Variants in RRBP1 observed in about 807,000 individuals in gnomAD.
RRBP1 encodes the protein ribosome-binding protein 1.
A neutral mutation model predicts 165.2 loss-of-function variants in RRBP1; 94 were observed. That is an observed-to-expected ratio of 0.57 (90% confidence interval 0.48 to 0.68). The LOEUF (loss-of-function observed/expected upper bound fraction) is 0.68, where lower values mean the gene tolerates loss of function less well. RRBP1 is among the 30% of genes least tolerant of loss of function. The pLI, the probability that RRBP1 is intolerant of heterozygous loss-of-function variation, is 0.00. For synonymous variants in RRBP1, 680 were observed against 714.5 expected (o/e 0.95, Z 0.77); for missense variants, 1,676 against 1,763.0 (o/e 0.95, Z 0.88).
intron 3 of RRBP1, among the ~76,000 whole-genome samples, chr20:17,648,627 C>T (rs1173130300): frequency 1.3e-5 from 2 of 152,206 alleles, no homozygotes; most frequent in East Asian, 1.9e-4. Context: ...TGGAGAAAAA[C>T]GTAATCGGCT....
rs2036406602 is a variant in RRBP1 at position 17,643,524 on chromosome 20, G to A, written c.1913-397C>T. Among the ~76,000 whole-genome samples the A allele has an allele frequency of 6.6e-6, 1 of 151,790 alleles. No individual in the cohort carries two copies. The highest frequency in any genetic ancestry group is 2.1e-4 in the South Asian group (1 of 4,814). ...TTCTCAACCTGCATGGCTCACCATG[G>A]TTCTCCCCACTGGCTGTGACTGAGC... is the stretch of plus-strand genomic sequence containing the variant. On this transcript the variant is annotated intron_variant, in intron 3 of 24. Transcript: ENST00000377813. The surrounding 1 kb of genome is among the most constrained non-coding windows in gnomAD (Gnocchi z 4.3).
At chr20:17,638,930 G>T (rs964243738) in intron 5 of RRBP1, among the ~76,000 whole-genome samples, 1 of 152,088 alleles carries the variant, frequency 6.6e-6, no homozygotes, top group African/African-American at 2.4e-5. Context: ...CTGGTAACAG[G>T]AACTCCTCCC....
intron 8 of RRBP1, among the ~76,000 whole-genome samples, chr20:17,631,182 C>G (rs1274171279): frequency 6.6e-6 from 1 of 152,264 alleles, no homozygotes; most frequent in Admixed American, 6.5e-5. Flanking sequence ...ACCTGCTTCT[C>G]CTCTGCCAGG....
chr20:17,645,406 A>C (rs1336433182), intron 3 of RRBP1, among the ~76,000 whole-genome samples: 1 of 152,268 alleles, frequency 6.6e-6, no homozygotes, highest in Non-Finnish European at 1.5e-5. Flanking sequence ...AACAAACGCA[A>C]AGCTGCGTAC....
chr20:17,643,202 C>T lies in RRBP1; in HGVS notation c.1913-75G>A. The stretch of plus-strand genomic sequence containing the variant: ...ACACGTGGCCACAATGCCCATCACA[C>T]CAAGAAGGTTCTGGTCACAGCCACG... On this transcript the variant is annotated intron_variant, in intron 3 of 24. Coordinates refer to ENST00000377813, the MANE Select transcript of RRBP1 (RefSeq NM_001365613.2). The surrounding 1 kb of genome is among the most constrained non-coding windows in gnomAD (Gnocchi z 4.3). The T allele has an allele frequency of 6.6e-7, 1 of 1,507,790 alleles. No individual in the cohort carries two copies. Among genetic ancestry groups the T allele is most frequent in the Non-Finnish European group, 9.0e-7 (1 of 1,109,150 alleles). 93.4% of individuals were successfully genotyped at this position (1,507,790 alleles called of 1,614,324 possible). A position where few individuals can be genotyped will look rare whatever the true frequency, so the allele number is the denominator to read the frequency against.
Position 17,625,504 on chromosome 20 carries a change from G to A in RRBP1, c.3054+8C>T, listed in dbSNP as rs768435974. ...CCGTCCGTCCCCGCCTGTGCCTGCC[G>A]CACTCACATTGTTCTTCACTTTCTG... On this transcript the variant is annotated splice_region_variant and intron_variant, in intron 12 of 24. Coordinates refer to ENST00000377813, the MANE Select transcript of RRBP1 (RefSeq NM_001365613.2). The A allele has an allele frequency of 1.6e-5, 26 of 1,612,356 alleles. No individual in the cohort carries two copies. The Admixed American group carries it at 2.0e-4, about 12-fold the overall frequency.
intron 3 of RRBP1, among the ~76,000 whole-genome samples, chr20:17,651,368 T>C (rs902553622): frequency 6.6e-6 from 1 of 152,260 alleles, no homozygotes; most frequent in African/African-American, 2.4e-5. Flanking sequence ...ACCTTTTGAC[T>C]TGACAATTAC....
At chr20:17,622,557 G>A (rs548853153) in intron 13 of RRBP1, among the ~76,000 whole-genome samples, 44 of 152,204 alleles carry the variant, frequency 2.9e-4, no homozygotes, top group Admixed American at 2.5e-3. Context: ...AGCCCACTCA[G>A]AGGAGACAGG....
chr20:17,652,972 C>A (rs2036584013), intron 3 of RRBP1, among the ~76,000 whole-genome samples: 2 of 152,338 alleles, frequency 1.3e-5, no homozygotes, highest in Admixed American at 1.3e-4. Flanking sequence ...CTGCCTCATA[C>A]CCTCGGGCAC....
chr20:17,616,148 G>A lies in RRBP1; in HGVS notation c.3868-139C>T, dbSNP rs562695884. 2.4e-5 allele frequency: 17 copies of A among 695,564 alleles called. No individual in the cohort carries two copies. The East Asian group carries it at 4.8e-4, about 19-fold the overall frequency. The allele number at this position is 695,564 out of a possible 1,614,324, so 43.1% of individuals were successfully genotyped here. On this transcript the variant is annotated intron_variant, in intron 21 of 24. Coordinates refer to ENST00000377813, the MANE Select transcript of RRBP1 (RefSeq NM_001365613.2). ...CCAACGCTCCCCTCGTTGGGGAGAG[G>A]GCACCTCAGCCCCTGGTACAGACTT...
chr20:17,681,361 G>A (rs570483193), intron 1 of RRBP1, among the ~76,000 whole-genome samples: 1 of 147,896 alleles, frequency 6.8e-6, no homozygotes, highest in African/African-American at 2.4e-5. Flanking sequence ...CGGCCGCCCG[G>A]CGTCCGTGCC....
At position 17,627,493 on chromosome 20, in the gene RRBP1, A is replaced by G. The variant is rs761682490; in HGVS notation, c.2928+11T>C. ...CCCTTTCCTCCCCGTGGCCCCAGGC[A>G]GAAGGCTGACCTGGACGTCCTGGGC... On this transcript the variant is annotated intron_variant, in intron 10 of 24. Transcript: ENST00000377813. 1.9e-6 allele frequency: 3 copies of G among 1,607,346 alleles called. No homozygotes were observed. The highest frequency in any genetic ancestry group is 2.6e-6 in the Non-Finnish European group (3 of 1,176,004).
In RRBP1 at chr20:17,660,003, T is replaced by C. The variant is rs2036729664; in HGVS notation, c.505A>G (p.Ile169Val). 1.9e-6 allele frequency: 3 copies of C among 1,612,214 alleles called. No homozygotes were observed. The highest frequency in any genetic ancestry group is 1.1e-5 in the South Asian group (1 of 90,540). Residue 169 changes from isoleucine (I) to valine (V), a missense_variant, in exon 3 of 25, where the codon ATC (isoleucine) becomes GTC (valine). Ile to Val is a conservative substitution (Grantham distance 29). Coordinates refer to ENST00000377813, the MANE Select transcript of RRBP1 (RefSeq NM_001365613.2). Reference sequence around the variant, plus strand: ...ACCTCCTTGGGAGCAGTTTCCAAGATGGCAGCCTTCGAAGTGAGAACCTGG... The same window carrying C: ...ACCTCCTTGGGAGCAGTTTCCAAGACGGCAGCCTTCGAAGTGAGAACCTGG... Reference protein sequence around the residue: ...SIQVLTSKAAILETAPKEVPM... With the variant: ...SIQVLTSKAAVLETAPKEVPM...
chr20:17,649,896 C>G (rs1008829977), intron 3 of RRBP1, among the ~76,000 whole-genome samples: 1 of 152,170 alleles, frequency 6.6e-6, no homozygotes, highest in African/African-American at 2.4e-5. Flanking sequence ...CTTTAACTTC[C>G]CACCTTACCT....
intron 17 of RRBP1, 53 bp from the exon 18 acceptor site, chr20:17,620,423 T>G: frequency 3.3e-6 from 5 of 1,496,052 alleles, no homozygotes; most frequent in Non-Finnish European, 4.7e-6. Context: ...GGGTGTCTCC[T>G]TCCGAGGCCA....
At chr20:17,642,895 CCT>C in intron 4 of RRBP1, 82 bp downstream of exon 4, 2 of 1,407,308 alleles carry the variant, frequency 1.4e-6, no homozygotes, top group South Asian at 2.5e-5. Flanking sequence ...CTATGAATGT[CCT>C]CTCTGTGGCA....
intron 3 of RRBP1, among the ~76,000 whole-genome samples, chr20:17,652,643 T>C (rs2036578666): frequency 6.6e-6 from 1 of 151,998 alleles, no homozygotes; most frequent in African/African-American, 2.4e-5. Context: ...TACAGTTGCC[T>C]CAGGTTGGGC....
rs765258869 is a variant in RRBP1, at chr20:17,627,729, A to C, written c.2750-47T>G. On this transcript the variant is annotated intron_variant, in intron 9 of 24. Transcript: ENST00000377813. ...GAGAAGTTAAGAGACTGCAAACCCC[A>C]GGGGGTGTGGAGGATGCCCTCACTG... 22 of 1,527,214 alleles carry C rather than the reference A, an allele frequency of 1.4e-5. No individual in the cohort carries two copies. The Admixed American group carries it at 1.8e-4, about 13-fold the overall frequency. The allele number at this position is 1,527,214 out of a possible 1,614,324, so 94.6% of individuals were successfully genotyped here.
intron 9 of RRBP1, among the ~76,000 whole-genome samples, chr20:17,629,559 C>T (rs544002067): frequency 6.6e-6 from 1 of 151,904 alleles, no homozygotes; most frequent in Admixed American, 6.6e-5. Context: ...CCTTGCCCCC[C>T]ACTTCTAGCC....
Sources: allele counts gnomAD v4.1 joint callset (sites outside exome capture counted in the v4.1 genomes callset), GRCh38; gene constraint gnomAD v4.1.1; non-coding constraint Gnocchi (gnomAD v3.1); transcripts MANE v1.5; gene names NCBI Gene and HGNC (gene_info 2026-07-23, HGNC 2026-07-21).